Variants in EYS observed in about 807,000 individuals in gnomAD.
The protein encoded by EYS is protein eyes shut homolog.
EYS carries 250 observed loss-of-function variants against 282.1 expected under a neutral mutation model. The ratio of observed to expected loss-of-function variants is 0.89; its 90% confidence interval spans 0.80 to 0.98. The LOEUF (loss-of-function observed/expected upper bound fraction) is 0.98, where lower values mean the gene tolerates loss of function less well. Among genes scored for constraint, EYS ranks in the 50% least tolerant of loss-of-function variants. The pLI, the probability that EYS is intolerant of heterozygous loss-of-function variation, is 0.00. For missense variants in EYS, 4,016 were observed against 3,709.0 expected, an observed-to-expected ratio of 1.08 and a Z score of -2.15; for synonymous variants, 1,355 against 1,282.9, an observed-to-expected ratio of 1.06 and a Z score of -1.20.
intron 12 of EYS, among the ~76,000 whole-genome samples, chr6:65,164,200 T>G (rs891343495): frequency 6.6e-6 from 1 of 151,406 alleles, no homozygotes; most frequent in Non-Finnish European, 1.5e-5. Flanking sequence ...CATTTAAATA[T>G]GTTAACTTTG....
At chr6:64,393,786 A>G (rs535569185) in intron 28 of EYS, among the ~76,000 whole-genome samples, 393 of 152,034 alleles carry the variant, frequency 2.6e-3, no homozygotes, top group Admixed American at 6.0e-3. Flanking sequence ...GGCCAGGGCA[A>G]TTAGGCAGGA....
chr6:64,854,745 T>TA (rs987845657), intron 19 of EYS, among the ~76,000 whole-genome samples: 6 of 151,702 alleles, frequency 4.0e-5, no homozygotes, highest in South Asian at 4.2e-4. Context: ...AATATAATAA[T>TA]AAAAAAAAGA....
intron 28 of EYS, among the ~76,000 whole-genome samples, chr6:64,435,406 T>C (rs1774707891): frequency 6.6e-6 from 1 of 151,390 alleles, no homozygotes. Context: ...TTAACTTTTT[T>C]CCCAGTCTCT....
At chr6:64,200,021 CA>C in intron 31 of EYS, among the ~76,000 whole-genome samples, 1 of 151,944 alleles carries the variant, frequency 6.6e-6, no homozygotes, top group Non-Finnish European at 1.5e-5. Context: ...TACCCAGCCA[CA>C]AAAAGACATG....
chr6:63,965,876 G>A (rs1405129260), intron 35 of EYS, among the ~76,000 whole-genome samples: 2 of 152,070 alleles, frequency 1.3e-5, no homozygotes, highest in Admixed American at 1.3e-4. Context: ...AAGAATCATG[G>A]GCATTTTACC....
At chr6:64,206,981 C>A (rs1022143341) in intron 31 of EYS, among the ~76,000 whole-genome samples, 2 of 152,070 alleles carry the variant, frequency 1.3e-5, no homozygotes, top group African/African-American at 4.8e-5. Flanking sequence ...TCCCACCTTC[C>A]ACCCCGTAAT....
chr6:64,527,331 T>C (rs1238004547), intron 26 of EYS, among the ~76,000 whole-genome samples: 1 of 151,840 alleles, frequency 6.6e-6, no homozygotes, highest in Non-Finnish European at 1.5e-5. Flanking sequence ...GAAGTTGATA[T>C]GCCAGGCCTA....
At chr6:65,701,509 C>T (rs1448646589) in intron 1 of EYS, among the ~76,000 whole-genome samples, 1 of 152,160 alleles carries the variant, frequency 6.6e-6, no homozygotes, top group Non-Finnish European at 1.5e-5. Context: ...ACCAATAATA[C>T]TCTTGCACTG....
At chr6:63,997,082 C>A (rs902317642) in intron 34 of EYS, among the ~76,000 whole-genome samples, 3 of 152,152 alleles carry the variant, frequency 2.0e-5, no homozygotes, top group Non-Finnish European at 4.4e-5. Context: ...GTGCTAGAAC[C>A]TATTTTGATA....
At chr6:63,927,233 T>C (rs1406743500) in intron 35 of EYS, among the ~76,000 whole-genome samples, 1 of 152,234 alleles carries the variant, frequency 6.6e-6, no homozygotes, top group Admixed American at 6.5e-5. Flanking sequence ...AGATTATCTA[T>C]GCATGTCTCT....
chr6:64,461,516 G>T (rs1342824298), intron 26 of EYS, among the ~76,000 whole-genome samples: 3 of 152,170 alleles, frequency 2.0e-5, no homozygotes, highest in Admixed American at 6.5e-5. Flanking sequence ...CAGTCTGGTG[G>T]TGGCATTAGT....
At chr6:65,519,054 G>A (rs559336813) in intron 2 of EYS, among the ~76,000 whole-genome samples, 2 of 152,216 alleles carry the variant, frequency 1.3e-5, no homozygotes, top group Admixed American at 1.3e-4. Context: ...GAAGAAAAAT[G>A]ATTCTTGTGT....
intron 5 of EYS, among the ~76,000 whole-genome samples, chr6:65,469,252 A>C (rs1765118489): frequency 6.6e-6 from 1 of 152,036 alleles, no homozygotes; most frequent in Non-Finnish European, 1.5e-5. Context: ...AAACTTTGTT[A>C]ATCATGAAAT....
chr6:65,173,391 A>C (rs1030484065), intron 12 of EYS, among the ~76,000 whole-genome samples: 1 of 151,202 alleles, frequency 6.6e-6, no homozygotes, highest in Non-Finnish European at 1.5e-5. Flanking sequence ...ATGAATCAGA[A>C]GAATAAAATA....
chr6:64,705,281 T>C (rs139293509), intron 22 of EYS, among the ~76,000 whole-genome samples: 1,543 of 151,984 alleles, frequency 0.01, 13 homozygotes, highest in South Asian at 0.034. Flanking sequence ...ACCAATGAAG[T>C]GAAAAATGTC....
chr6:64,061,036 T>C (rs1048403639), intron 33 of EYS, among the ~76,000 whole-genome samples: 22 of 152,184 alleles, frequency 1.4e-4, no homozygotes, highest in African/African-American at 5.3e-4. Context: ...CAAAATAAAT[T>C]ATTAGGTATT....
Position 65,275,717 on chromosome 6 carries a change from G to T in EYS, c.2023+20146C>A, listed in dbSNP as rs536137837. 3.2e-4 allele frequency among the ~76,000 whole-genome samples: 48 copies of T among 152,254 alleles called. No homozygotes were observed. The Middle Eastern group carries it at 0.01, about 32-fold the overall frequency. Reference sequence around the variant, plus strand: ...TGAAAAGGATATAAATTGGAAATTTGGGAAAGAAGTTTGTAGATAGACCTG... The same window carrying T: ...TGAAAAGGATATAAATTGGAAATTTTGGAAAGAAGTTTGTAGATAGACCTG... On this transcript the variant is annotated intron_variant, in intron 12 of 42. Coordinates refer to ENST00000503581, the MANE Select transcript of EYS (RefSeq NM_001142800.2).
chr6:63,750,613 A>G (rs1349706785), intron 41 of EYS, among the ~76,000 whole-genome samples: 1 of 152,198 alleles, frequency 6.6e-6, no homozygotes, highest in Non-Finnish European at 1.5e-5. Context: ...AAGCCAGAAC[A>G]TTGGACTCAT....
intron 28 of EYS, among the ~76,000 whole-genome samples, chr6:64,397,648 A>G (rs1392347017): frequency 3.9e-5 from 6 of 152,000 alleles, no homozygotes; most frequent in African/African-American, 9.6e-5. Flanking sequence ...TATTTGGCTA[A>G]TTGTGTCCTT....
Sources: gnomAD v4.1 joint callset for allele counts (sites outside exome capture counted in the v4.1 genomes callset) on GRCh38, gnomAD v4.1.1 for gene constraint, MANE v1.5 for transcripts, NCBI Gene and HGNC (gene_info 2026-07-23, HGNC 2026-07-21) for gene names.